Variants in MICAL2 observed in about 807,000 individuals in gnomAD.
MICAL2 encodes microtubule associated monooxygenase, calponin and LIM domain containing 2.
Under a neutral mutation model 127.3 loss-of-function variants are expected in MICAL2, and 77 were observed. The observed-to-expected ratio is 0.60, with a 90% CI of 0.50 to 0.73. MICAL2 has a LOEUF of 0.73. Ranked by LOEUF, MICAL2 falls within the 30% of genes least tolerant of loss-of-function variation. The probability of loss-of-function intolerance (pLI) is 0.00; values close to 1 mark genes in which losing one functional copy is unlikely to be tolerated. For synonymous variants in MICAL2, 570 were observed against 551.1 expected, an observed-to-expected ratio of 1.03 and a Z score of -0.48; for missense variants, 1,351 against 1,434.4, an observed-to-expected ratio of 0.94 and a Z score of 0.94.
chr11:12,331,225 T>A (rs566976450), intron 32 of MICAL2, among the ~76,000 whole-genome samples: 1 of 152,298 alleles, frequency 6.6e-6, no homozygotes, highest in Admixed American at 6.5e-5. Context: ...ATGGTCTGGA[T>A]AACACAATCT....
Position 12,188,666 on chromosome 11 carries a change from G to A in MICAL2, c.265-15584G>A, listed in dbSNP as rs373983280. Among the ~76,000 whole-genome samples, 16 of 152,266 alleles carry A rather than the reference G, an allele frequency of 1.1e-4. No individual in the cohort carries two copies. In the South Asian group the frequency reaches 3.3e-3, roughly 32 times the overall value. On this transcript the variant is annotated intron_variant, in intron 3 of 27. Transcript: ENST00000683283. The stretch of plus-strand genomic sequence containing the variant: ...AATGACACTAAAATTGGAGGGCTTA[G>A]GGCACAGTAGAAAGAGCATAATGGC...
intron 29 of MICAL2, among the ~76,000 whole-genome samples, chr11:12,319,400 T>C (rs1657381504): frequency 6.6e-6 from 1 of 152,038 alleles, no homozygotes; most frequent in African/African-American, 2.4e-5. Flanking sequence ...ACCATATAAA[T>C]GGTGTTTAAG....
At chr11:12,172,791 C>T (rs1010409532) in intron 3 of MICAL2, among the ~76,000 whole-genome samples, 16 of 151,970 alleles carry the variant, frequency 1.1e-4, no homozygotes, top group African/African-American at 3.9e-4. Context: ...TCAGTCTCCT[C>T]CCCCTGCTAA....
At chr11:12,353,986 G>A (rs1001183771) in intron 33 of MICAL2, among the ~76,000 whole-genome samples, 15 of 152,030 alleles carry the variant, frequency 9.9e-5, no homozygotes, top group African/African-American at 3.4e-4. Flanking sequence ...GCTTCTCCCG[G>A]GCCTATGCTA....
downstream of MICAL2, among the ~76,000 whole-genome samples, chr11:12,289,550 CCTCTTG>C (rs1425262880): frequency 1.1e-4 from 14 of 133,170 alleles, no homozygotes; most frequent in East Asian, 2.0e-3. Flanking sequence ...CCACTGGGCA[CCTCTTG>C]TTTTTTTTTG....
At chr11:12,345,753 C>G (rs888066251) in intron 32 of MICAL2, among the ~76,000 whole-genome samples, 1 of 152,200 alleles carries the variant, frequency 6.6e-6, no homozygotes, top group Non-Finnish European at 1.5e-5. Context: ...AGTGAAGATG[C>G]TGCTAAAAAG....
At chr11:12,186,806 G>A (rs529785082) in intron 3 of MICAL2, among the ~76,000 whole-genome samples, 93 of 152,288 alleles carry the variant, frequency 6.1e-4, no homozygotes, top group African/African-American at 1.9e-3. Context: ...AGACATCAGC[G>A]GCAGGGAGGT....
At chr11:12,336,065 T>C (rs546927762) in intron 32 of MICAL2, among the ~76,000 whole-genome samples, 15 of 152,368 alleles carry the variant, frequency 9.8e-5, no homozygotes, top group African/African-American at 2.9e-4. Context: ...TCTCATGATA[T>C]TGATTCTTCC....
intron 29 of MICAL2, among the ~76,000 whole-genome samples, chr11:12,318,663 T>C (rs573726076): frequency 3.3e-5 from 5 of 152,310 alleles, no homozygotes; most frequent in South Asian, 2.1e-4. Context: ...TAAAGATTAG[T>C]AAATTTCGTA....
intron 15 of MICAL2, among the ~76,000 whole-genome samples, chr11:12,230,719 C>A (rs571991680): frequency 6.6e-6 from 1 of 151,794 alleles, no homozygotes; most frequent in African/African-American, 2.4e-5. Flanking sequence ...TTCTTTCCCC[C>A]CCCATCTTAT....
At chr11:12,304,952 A>G (rs1590730350) in intron 29 of MICAL2, among the ~76,000 whole-genome samples, 1 of 152,210 alleles carries the variant, frequency 6.6e-6, no homozygotes, top group Non-Finnish European at 1.5e-5. Context: ...ATCAATTTCT[A>G]CAACATTTGC....
chr11:12,215,091 G>A lies in MICAL2; in HGVS notation c.848-1128G>A, dbSNP rs180896693. 7.9e-5 allele frequency among the ~76,000 whole-genome samples: 12 copies of A among 152,240 alleles called. No individual in the cohort carries two copies. The East Asian group carries it at 2.3e-3, about 29-fold the overall frequency. ...CATATGGTGTCCTTTTGAATGCTTTGAGAATCCTCCAACCCTCCCTTCCTC... is the reference window on the plus strand; with the variant it reads ...CATATGGTGTCCTTTTGAATGCTTTAAGAATCCTCCAACCCTCCCTTCCTC... On this transcript the variant is annotated intron_variant, in intron 7 of 27. Transcript: ENST00000683283.
In MICAL2 at chr11:12,239,432, G is replaced by A. The variant is rs1306670523; in HGVS notation, c.2065-4G>A. On this transcript the variant is annotated splice_region_variant and splice_polypyrimidine_tract_variant and intron_variant, in intron 16 of 27. Coordinates refer to ENST00000683283, the MANE Select transcript of MICAL2 (RefSeq NM_001282663.2). Reference sequence around the variant, plus strand: ...CCATCAGTGTCCCGTTTCAACCTTTGCAGCCTTCAAACTTTTCCAGCCGTA... The same window carrying A: ...CCATCAGTGTCCCGTTTCAACCTTTACAGCCTTCAAACTTTTCCAGCCGTA... 1 of 1,613,860 alleles carries A rather than the reference G, an allele frequency of 6.2e-7. No individual in the cohort carries two copies. Among genetic ancestry groups the A allele is most frequent in the Non-Finnish European group, 8.5e-7 (1 of 1,180,040 alleles).
chr11:12,240,092 T>A (rs1179331334), intron 17 of MICAL2, among the ~76,000 whole-genome samples: 1 of 152,250 alleles, frequency 6.6e-6, no homozygotes, highest in Non-Finnish European at 1.5e-5. Flanking sequence ...CCAGAGGAAC[T>A]GAGTCTGAGC....
At chr11:12,300,240 G>A (rs1041343380) in intron 29 of MICAL2, among the ~76,000 whole-genome samples, 4 of 152,114 alleles carry the variant, frequency 2.6e-5, no homozygotes, top group Admixed American at 6.5e-5. Flanking sequence ...TTTGCAGTGA[G>A]CTGAGATCAC....
At chr11:12,278,227 C>T (rs1171970008) in intron 1 of MICAL2, among the ~76,000 whole-genome samples, 1 of 152,196 alleles carries the variant, frequency 6.6e-6, no homozygotes, top group East Asian at 1.9e-4. Context: ...CTTACTGTAA[C>T]TTTGTTACTT....
chr11:12,202,926 T>C (rs567044638), intron 3 of MICAL2, among the ~76,000 whole-genome samples: 209 of 152,346 alleles, frequency 1.4e-3, no homozygotes, highest in Non-Finnish European at 2.7e-3. Context: ...CCATTAGCGG[T>C]CATTCCCCAA....
At chr11:12,145,613 C>T (rs1017501890) in intron 2 of MICAL2, among the ~76,000 whole-genome samples, 1 of 152,206 alleles carries the variant, frequency 6.6e-6, no homozygotes, top group Non-Finnish European at 1.5e-5. Context: ...GCAGCACAGG[C>T]AATTTTACAT....
At chr11:12,343,347 G>A (rs556129953) in intron 32 of MICAL2, among the ~76,000 whole-genome samples, 1 of 148,416 alleles carries the variant, frequency 6.7e-6, no homozygotes, top group South Asian at 2.1e-4. Context: ...GGCAGAGGTT[G>A]CAGTAAGCTG....
Sources: gnomAD v4.1 joint callset for allele counts (sites outside exome capture counted in the v4.1 genomes callset) on GRCh38, gnomAD v4.1.1 for gene constraint, MANE v1.5 for transcripts, NCBI Gene and HGNC (gene_info 2026-07-23, HGNC 2026-07-21) for gene names.